LRRC4C: variants seen among roughly 807,000 people sequenced by gnomAD.
The protein encoded by LRRC4C is leucine-rich repeat-containing protein 4C.
A neutral mutation model predicts 33.6 loss-of-function variants in LRRC4C; 5 were observed. That is an observed-to-expected ratio of 0.15 (90% CI 0.08 to 0.31). LRRC4C has a LOEUF of 0.31. Among genes scored for constraint, LRRC4C ranks in the 10% least tolerant of loss-of-function variants. The pLI is 1.00. For missense variants in LRRC4C, 560 were observed against 796.7 expected (o/e 0.70, Z 3.58); for synonymous variants, 329 against 302.0 (o/e 1.09, Z -0.93).
intron 2 of LRRC4C, among the ~76,000 whole-genome samples, chr11:40,800,872 T>C (rs1263472195): frequency 6.6e-6 from 1 of 152,198 alleles, no homozygotes; most frequent in African/African-American, 2.4e-5. Context: ...CTTCAGTTAT[T>C]CCAACCTATA....
At chr11:40,799,916 T>C (rs1229593373) in intron 2 of LRRC4C, among the ~76,000 whole-genome samples, 1 of 152,216 alleles carries the variant, frequency 6.6e-6, no homozygotes, top group Non-Finnish European at 1.5e-5. Flanking sequence ...TTGGCTTGTA[T>C]TCTTGTATTT....
intron 3 of LRRC4C, among the ~76,000 whole-genome samples, chr11:40,329,769 T>C (rs1291925041): frequency 7.0e-6 from 1 of 143,374 alleles, no homozygotes; most frequent in African/African-American, 2.7e-5. Flanking sequence ...TGAGATGGAG[T>C]CTCAATCTGT....
At chr11:40,532,142 G>T (rs983256303) in intron 3 of LRRC4C, among the ~76,000 whole-genome samples, 2 of 150,932 alleles carry the variant, frequency 1.3e-5, no homozygotes, top group African/African-American at 4.9e-5. Context: ...TTTGCCAGAG[G>T]TCACAAAGCT....
intron 1 of LRRC4C, among the ~76,000 whole-genome samples, chr11:41,201,921 AACAC>A (rs72276649): frequency 0.026 from 3,878 of 150,646 alleles, 173 homozygotes; most frequent in African/African-American, 0.088. Flanking sequence ...CACACACACA[AACAC>A]ACACACACAC....
intron 5 of LRRC4C, among the ~76,000 whole-genome samples, chr11:40,236,953 C>T (rs1865606438): frequency 6.6e-6 from 1 of 152,116 alleles, no homozygotes; most frequent in African/African-American, 2.4e-5. Context: ...ATGTGCAGAG[C>T]TGAGAACACC....
intron 2 of LRRC4C, among the ~76,000 whole-genome samples, chr11:40,697,187 G>A (rs956639189): frequency 2.0e-5 from 3 of 151,926 alleles, no homozygotes; most frequent in South Asian, 2.1e-4. Context: ...GGGGTCCTTC[G>A]TTCCTTTATT....
intron 1 of LRRC4C, among the ~76,000 whole-genome samples, chr11:41,150,687 G>T (rs2135962999): frequency 6.6e-6 from 1 of 151,972 alleles, no homozygotes; most frequent in Middle Eastern, 3.4e-3. Flanking sequence ...TACTTGGGAG[G>T]CTGAGACAGA....
At chr11:40,469,608 G>C (rs1952827186) in intron 3 of LRRC4C, among the ~76,000 whole-genome samples, 1 of 152,300 alleles carries the variant, frequency 6.6e-6, no homozygotes, top group African/African-American at 2.4e-5. Context: ...CCCCCACGGA[G>C]CCCAGCAAAC....
At chr11:41,033,164 C>A (rs936578931) in intron 1 of LRRC4C, among the ~76,000 whole-genome samples, 22 of 151,806 alleles carry the variant, frequency 1.4e-4, no homozygotes, top group African/African-American at 5.3e-4. Flanking sequence ...TGCTTAGGCT[C>A]CTCAAGGGGA....
intron 1 of LRRC4C, among the ~76,000 whole-genome samples, chr11:41,075,844 T>A (rs1156489128): frequency 6.6e-6 from 1 of 152,208 alleles, no homozygotes; most frequent in Non-Finnish European, 1.5e-5. Context: ...ACCAACTCAA[T>A]TGCTAAATCC....
chr11:40,154,550 G>T (rs921670856), intron 5 of LRRC4C, among the ~76,000 whole-genome samples: 45 of 152,150 alleles, frequency 3.0e-4, no homozygotes, highest in Non-Finnish European at 4.4e-5. Context: ...AGCCAGGGTA[G>T]TTATTCCTAT....
At chr11:41,387,823 A>G (rs1416392212) in intron 1 of LRRC4C, among the ~76,000 whole-genome samples, 1 of 151,816 alleles carries the variant, frequency 6.6e-6, no homozygotes, top group African/African-American at 2.4e-5. Context: ...CAAGATAAGC[A>G]TATTTCAGTG....
intron 3 of LRRC4C, among the ~76,000 whole-genome samples, chr11:40,378,975 T>G (rs1263126229): frequency 6.6e-6 from 1 of 152,142 alleles, no homozygotes; most frequent in African/African-American, 2.4e-5. Flanking sequence ...ATTGATTTAT[T>G]TAAATATTAT....
At chr11:40,620,470 G>A (rs182104821) in intron 3 of LRRC4C, among the ~76,000 whole-genome samples, 1 of 151,824 alleles carries the variant, frequency 6.6e-6, no homozygotes, top group East Asian at 1.9e-4. Context: ...ACCCCAGATA[G>A]CTCCCTGAAT....
At chr11:40,970,601 C>A (rs1275560502) in intron 1 of LRRC4C, among the ~76,000 whole-genome samples, 9 of 152,096 alleles carry the variant, frequency 5.9e-5, no homozygotes, top group Non-Finnish European at 4.4e-5. Context: ...ATAAAGATAT[C>A]TGAATATGTG....
chr11:41,237,732 T>C (rs998801856), intron 1 of LRRC4C, among the ~76,000 whole-genome samples: 5 of 152,182 alleles, frequency 3.3e-5, no homozygotes, highest in African/African-American at 1.2e-4. Flanking sequence ...CAATTCACGG[T>C]GACTTTTTCC....
intron 6 of LRRC4C, among the ~76,000 whole-genome samples, chr11:40,133,330 G>A (rs10837347): frequency 0.22 from 33,228 of 152,044 alleles, 4,439 homozygotes; most frequent in African/African-American, 0.38. Flanking sequence ...CAAATATCAT[G>A]TATATAGAGT....
intron 5 of LRRC4C, among the ~76,000 whole-genome samples, chr11:40,222,716 T>G (rs1464846038): frequency 6.6e-6 from 1 of 152,134 alleles, no homozygotes; most frequent in Admixed American, 6.5e-5. Context: ...GATAGAAATT[T>G]TAGGTGACAA....
intron 2 of LRRC4C, among the ~76,000 whole-genome samples, chr11:40,818,085 C>T (rs1464926132): frequency 6.6e-6 from 1 of 152,032 alleles, no homozygotes; most frequent in Non-Finnish European, 1.5e-5. Flanking sequence ...TTGATCAATG[C>T]CTGACTTATA....
Sources: allele counts gnomAD v4.1 joint callset (sites outside exome capture counted in the v4.1 genomes callset), GRCh38; gene constraint gnomAD v4.1.1; transcripts MANE v1.5; gene names NCBI Gene and HGNC (gene_info 2026-07-23, HGNC 2026-07-21).